Variants in SLC34A2 observed in about 807,000 individuals in gnomAD.
The protein encoded by SLC34A2 is solute carrier family 34 member 2, also known as sodium-dependent phosphate transport protein 2B.
In SLC34A2, 41 loss-of-function variants were observed where a neutral mutation model predicts 50.8. That is an observed-to-expected ratio of 0.81 (90% CI 0.63 to 1.05). SLC34A2 has a LOEUF of 1.05. SLC34A2 is among the 50% of genes least tolerant of loss of function. The pLI is 0.00. For synonymous variants in SLC34A2, 401 were observed against 364.2 expected, an observed-to-expected ratio of 1.10 and a Z score of -1.15; for missense variants, 879 against 876.7, an observed-to-expected ratio of 1.00 and a Z score of -0.03.
chr4:25,668,100 T>C (rs889518615), intron 6 of SLC34A2, 109 bp downstream of exon 6: 1 of 770,178 alleles, frequency 1.3e-6, no homozygotes, highest in Non-Finnish European at 2.3e-6. Context: ...GGTTCATTCC[T>C]GGAGTTCCTA....
At position 25,662,831 on chromosome 4, in the gene SLC34A2, T is replaced by A. The variant is rs753807891; in HGVS notation, c.239T>A (p.Ile80Asn). 6.2e-7 allele frequency: 1 copy of A among 1,614,002 alleles called. No individual in the cohort carries two copies. ...CTACCCACTCTTCAGGACTCGGGGA[T>A]CAAGTGGTCAGGTAAAAGTGAGGCC... ...WNLPTLQDSGIKWSERDTKGK... is the reference protein window; with the variant it reads ...WNLPTLQDSGNKWSERDTKGK... Residue 80 changes from isoleucine to asparagine, a missense_variant, in exon 3 of 13, where the codon ATC (isoleucine) becomes AAC (asparagine). Coordinates refer to ENST00000382051, the MANE Select transcript of SLC34A2 (RefSeq NM_006424.3).
Position 25,666,195 on chromosome 4 carries a change from CG to C in SLC34A2, c.451del (p.Val151CysfsTer3). 1 of 1,614,030 alleles carries C rather than the reference CG, an allele frequency of 6.2e-7. No individual in the cohort carries two copies. Among genetic ancestry groups the C allele is most frequent in the Non-Finnish European group, 8.5e-7 (1 of 1,180,012 alleles). On this transcript the variant is annotated frameshift_variant, in exon 5 of 13. Coordinates refer to ENST00000382051, the MANE Select transcript of SLC34A2 (RefSeq NM_006424.3). LOFTEE classifies it high-confidence loss of function. The stretch of plus-strand genomic sequence containing the variant: ...CCAACCCTTTGTTGGGGCTGGTGAT[CG>C]GGGTGCTGGTGACCGTCTTGGTGCA... ...MSNPLLGLVI[G>X]VLVTVLVQSS...
intron 6 of SLC34A2, among the ~76,000 whole-genome samples, chr4:25,668,440 G>C (rs1225816226): frequency 6.6e-6 from 1 of 152,156 alleles, no homozygotes; most frequent in Non-Finnish European, 1.5e-5. Flanking sequence ...ATCGCCTGAG[G>C]TCAGGAGCCT....
At chr4:25,660,534 T>C (rs1443397326) in intron 1 of SLC34A2, among the ~76,000 whole-genome samples, 1 of 152,222 alleles carries the variant, frequency 6.6e-6, no homozygotes, top group Non-Finnish European at 1.5e-5. Flanking sequence ...TGTTTTAGTT[T>C]GAATATATGG....
chr4:25,670,718 C>T lies in SLC34A2; in HGVS notation c.832-20C>T, dbSNP rs190736944. ...GGTTCTGAGGATATGCTGATGGTTTCCTGTCTACTGTTTCCACAGCTGGAT... is the reference window on the plus strand; with the variant it reads ...GGTTCTGAGGATATGCTGATGGTTTTCTGTCTACTGTTTCCACAGCTGGAT... On this transcript the variant is annotated intron_variant, in intron 7 of 12. Transcript: ENST00000382051. 2.4e-4 allele frequency: 381 copies of T among 1,599,646 alleles called. 6 individuals are homozygous for T. The East Asian group carries it at 7.5e-3, about 31-fold the overall frequency.
At position 25,674,421 on chromosome 4, in the gene SLC34A2, C is replaced by T. The variant is rs200994748; in HGVS notation, c.1333+9C>T. The T allele has an allele frequency of 8.8e-5, 142 of 1,614,030 alleles. No homozygotes were observed. The highest frequency in any genetic ancestry group is 1.1e-4 in the Non-Finnish European group (135 of 1,179,950). The stretch of plus-strand genomic sequence containing the variant: ...CTTGACCCCCCTGATTGGTGAGTTA[C>T]ACCCTGGCTTCTCCCTCTGGCCACC... On this transcript the variant is annotated intron_variant, in intron 11 of 12. Transcript: ENST00000382051.
At chr4:25,671,376 G>A (rs1706032689) in intron 8 of SLC34A2, among the ~76,000 whole-genome samples, 1 of 152,102 alleles carries the variant, frequency 6.6e-6, no homozygotes, top group Non-Finnish European at 1.5e-5. Flanking sequence ...AATAAACAAA[G>A]TAGATGTTTT....
chr4:25,672,400 C>G (rs1189190478), intron 9 of SLC34A2, among the ~76,000 whole-genome samples: 11 of 152,154 alleles, frequency 7.2e-5, no homozygotes. Context: ...GGCACTGGGG[C>G]TGTAGCTCTT....
chr4:25,670,497 G>C (rs1714755813), intron 7 of SLC34A2, among the ~76,000 whole-genome samples: 1 of 152,128 alleles, frequency 6.6e-6, no homozygotes, highest in South Asian at 2.1e-4. Context: ...CTGGGTCCTT[G>C]CTAGGACCTT....
rs1169918983 is a variant in SLC34A2 at position 25,673,164 on chromosome 4, C to A, written c.1126C>A (p.Leu376Ile). ...CTTGCTCATACTCTCCCTGCTGGTC[C>A]TCTGTGGTTGCCTGATCATGATTGT... ...TILLILSLLV[L>I]CGCLIMIVKI... The change falls in exon 10 of 13, where the codon CTC becomes ATC. Residue 376 changes from leucine to isoleucine, a missense_variant. Coordinates refer to ENST00000382051, the MANE Select transcript of SLC34A2 (RefSeq NM_006424.3). The A allele has an allele frequency of 6.2e-7, 1 of 1,614,148 alleles. No individual in the cohort carries two copies. Among genetic ancestry groups the A allele is most frequent in the East Asian group, 2.2e-5 (1 of 44,886 alleles).
At position 25,676,411 on chromosome 4, in the gene SLC34A2, T is replaced by C. The variant is rs775964069; in HGVS notation, c.1735T>C (p.Cys579Arg). Residue 579 changes from cysteine (C) to arginine (R), a missense_variant, in exon 13 of 13, where the codon TGC (cysteine) becomes CGC (arginine). Physicochemically the swap from Cys to Arg is radical, Grantham distance 180. Transcript: ENST00000382051. ...GTGCCTCCGACTCCTGCAGTCTCGCTGCCCACGCGTCCTGCCGAAGAAACT... is the reference window on the plus strand; with the variant it reads ...GTGCCTCCGACTCCTGCAGTCTCGCCGCCCACGCGTCCTGCCGAAGAAACT... ...VLCLRLLQSRCPRVLPKKLQN... is the reference protein window; with the variant it reads ...VLCLRLLQSRRPRVLPKKLQN... 4 of 1,613,898 alleles carry C rather than the reference T, an allele frequency of 2.5e-6. No individual in the cohort carries two copies. In the Admixed American group the frequency reaches 5.0e-5, roughly 20 times the overall value.
chr4:25,668,085 T>G, intron 6 of SLC34A2, 94 bp downstream of exon 6: 1 of 813,172 alleles, frequency 1.2e-6, no homozygotes, highest in Non-Finnish European at 2.1e-6. Flanking sequence ...ATGACATGCT[T>G]ATCAGGTTCA....
chr4:25,657,927 A>G (rs1243137355), intron 1 of SLC34A2, among the ~76,000 whole-genome samples: 1 of 152,146 alleles, frequency 6.6e-6, no homozygotes, highest in African/African-American at 2.4e-5. Context: ...TGATGGCTGT[A>G]AGGGAAGCAG....
In SLC34A2 at chr4:25,669,717, G is replaced by A; in HGVS notation, c.706G>A (p.Val236Met). 1 of 1,614,140 alleles carries A rather than the reference G, an allele frequency of 6.2e-7. No individual in the cohort carries two copies. Among genetic ancestry groups the A allele is most frequent in the South Asian group, 1.1e-5 (1 of 91,078 alleles). The change falls in exon 7 of 13, where the codon GTG becomes ATG. Residue 236 changes from valine to methionine, a missense_variant. Transcript: ENST00000382051. ...CGTGTTGGTGCTCTTGCCCGTGGAG[G>A]TGGCCACCCATTACCTCGAGATCAT... ...LSVLVLLPVE[V>M]ATHYLEIITQ...
At chr4:25,657,686 T>A (rs1713960982) in intron 1 of SLC34A2, among the ~76,000 whole-genome samples, 1 of 152,222 alleles carries the variant, frequency 6.6e-6, no homozygotes, top group Non-Finnish European at 1.5e-5. Flanking sequence ...AAGTTATCTA[T>A]CAATGTGAGG....
chr4:25,674,480 T>G (rs374383302), intron 11 of SLC34A2, 25 bp from the exon 12 acceptor site: 16 of 1,614,074 alleles, frequency 9.9e-6, no homozygotes, highest in Non-Finnish European at 1.4e-5. Flanking sequence ...GGGGCTGATA[T>G]GTTTGTGTTT....
intron 7 of SLC34A2, among the ~76,000 whole-genome samples, chr4:25,670,199 G>C (rs900746046): frequency 1.7e-4 from 26 of 152,204 alleles, no homozygotes; most frequent in African/African-American, 6.0e-4. Context: ...ACTCCAGCCT[G>C]GGTGACAAAG....
chr4:25,662,406 T>C, intron 1 of SLC34A2, 92 bp from the exon 2 acceptor site: 2 of 1,170,010 alleles, frequency 1.7e-6, no homozygotes, highest in Non-Finnish European at 2.5e-6. Context: ...CCCACCCAGT[T>C]GATGCTTTGC....
rs942987686 is a variant in SLC34A2 at position 25,668,065 on chromosome 4, C to T, written c.635+74C>T. The T allele has an allele frequency of 2.4e-5, 22 of 929,846 alleles. 1 individual carries two copies. The highest frequency in any genetic ancestry group is 2.3e-4 in the South Asian group (17 of 73,836). 57.6% of individuals were successfully genotyped at this position (929,846 alleles called of 1,614,324 possible). Reference sequence around the variant, plus strand: ...GCCACGCTGTTGTAACTGCTTTTAACCAGCCAAAGATGACATGCTTATCAG... The same window carrying T: ...GCCACGCTGTTGTAACTGCTTTTAATCAGCCAAAGATGACATGCTTATCAG... On this transcript the variant is annotated intron_variant, in intron 6 of 12. Transcript: ENST00000382051.
Sources: gnomAD v4.1 joint callset for allele counts (sites outside exome capture counted in the v4.1 genomes callset) on GRCh38, gnomAD v4.1.1 for gene constraint, MANE v1.5 for transcripts, NCBI Gene and HGNC (gene_info 2026-07-23, HGNC 2026-07-21) for gene names.